The following KDM6A variants were observed in gnomAD, a reference collection of about 807,000 sequenced individuals.
The protein encoded by KDM6A is lysine demethylase 6A.
Under a neutral mutation model 117.6 loss-of-function variants are expected in KDM6A, and 11 were observed. The observed-to-expected ratio is 0.09, with a 90% CI of 0.06 to 0.15. The LOEUF (loss-of-function observed/expected upper bound fraction) is 0.15, where lower values mean the gene tolerates loss of function less well. Among genes scored for constraint, KDM6A ranks in the 10% least tolerant of loss-of-function variants. The pLI is 1.00. For synonymous variants in KDM6A, 384 were observed against 396.1 expected (o/e 0.97, Z 0.36); for missense variants, 799 against 1,077.3 (o/e 0.74, Z 3.62).
intron 4 of KDM6A, among the ~76,000 whole-genome samples, chrX:44,983,913 TG>T (rs1185305398): frequency 9.1e-6 from 1 of 109,528 alleles, no homozygotes; most frequent in Non-Finnish European, 1.9e-5. Context: ...TATAATCCTT[TG>T]GGTATATACC....
chrX:45,053,908 C>G lies in KDM6A; in HGVS notation c.828C>G (p.Ser276=), dbSNP rs769805897. The G allele has an allele frequency of 3.3e-6, 4 of 1,206,942 alleles. No individual in the cohort carries two copies. The Middle Eastern group carries it at 6.9e-4, about 209-fold the overall frequency. The change falls in exon 10 of 30, where the codon TCC becomes TCG. Residue 276 remains serine (S), a synonymous_variant. Transcript: ENST00000611820. ...ESYAIQYLQK[S]LEADPNSGQS... is the part of the protein sequence containing the mutation. ...ATGCTATTCAGTATCTCCAAAAGTC[C>G]TTGGAAGCAGATCCTAATTCTGGCC...
rs889394037 is a variant in KDM6A, at chrX:45,112,400, T to C, written c.*989T>C. Reference sequence around the variant, plus strand: ...ATCTGGATATATATGTATAAATCTTTAGAACTTAAATTTTTCTCGTTTTAA... The same window carrying C: ...ATCTGGATATATATGTATAAATCTTCAGAACTTAAATTTTTCTCGTTTTAA... On this transcript the variant is annotated 3_prime_UTR_variant, in exon 30 of 30. Transcript: ENST00000611820. The C allele has an allele frequency of 7.5e-6, 1 of 133,195 alleles. No homozygotes were observed. Among genetic ancestry groups the C allele is most frequent in the East Asian group, 1.3e-4 (1 of 7,840 alleles). The allele number at this position is 133,195 out of a possible 1,213,427, so 11.0% of individuals were successfully genotyped here. A position where few individuals can be genotyped will look rare whatever the true frequency, so the allele number is the denominator to read the frequency against.
At chrX:44,910,741 C>T (rs1212834832) in intron 2 of KDM6A, among the ~76,000 whole-genome samples, 1 of 110,278 alleles carries the variant, frequency 9.1e-6, no homozygotes, top group Non-Finnish European at 1.9e-5. Flanking sequence ...TTTAACAAAG[C>T]ACATCTTGCA....
chrX:44,966,869 CTT>C (rs1228583337), intron 3 of KDM6A, among the ~76,000 whole-genome samples: 7 of 88,918 alleles, frequency 7.9e-5, no homozygotes, highest in Admixed American at 1.2e-4. Flanking sequence ...CTCTCTCTCT[CTT>C]TTTTTTTTTT....
Position 45,069,600 on chromosome X carries a change from T to C in KDM6A, c.2101T>C (p.Ser701Pro). The C allele has an allele frequency of 8.3e-7, 1 of 1,211,098 alleles. No individual in the cohort carries two copies. The change falls in exon 18 of 30, where the codon TCA (serine) becomes CCA (proline). Residue 701 changes from serine (S) to proline (P), a missense_variant. Ser to Pro is a moderately conservative substitution (Grantham distance 74). Coordinates refer to ENST00000611820, the MANE Select transcript of KDM6A (RefSeq NM_001291415.2). ...TTAGGGGCTTCACAAAGGTCAGAGT[T>C]CACATTCGGCAGGTCCTAATGGTGA... The part of the protein sequence containing the change: ...STQGLHKGQS[S>P]HSAGPNGERP...
At chrX:45,026,760 G>A (rs1418022388) in intron 6 of KDM6A, among the ~76,000 whole-genome samples, 1 of 106,411 alleles carries the variant, frequency 9.4e-6, no homozygotes, top group Admixed American at 1.0e-4. Flanking sequence ...GAACCTGGGA[G>A]GTGGAGATTG....
chrX:45,040,980 G>T (rs2043134980), intron 8 of KDM6A, among the ~76,000 whole-genome samples: 1 of 78,186 alleles, frequency 1.3e-5, no homozygotes. Flanking sequence ...GGACGGGGCG[G>T]CCGGCCGGGC....
chrX:44,916,644 A>T (rs1351108959), intron 2 of KDM6A, among the ~76,000 whole-genome samples: 1 of 110,565 alleles, frequency 9.0e-6, no homozygotes, highest in Non-Finnish European at 1.9e-5. Context: ...TCTATTTTTT[A>T]AAAAATTATT....
chrX:45,003,949 T>C (rs1403991412), intron 4 of KDM6A, among the ~76,000 whole-genome samples: 1 of 97,877 alleles, frequency 1.0e-5, no homozygotes, highest in Non-Finnish European at 2.0e-5. Flanking sequence ...TTTCTGCTGG[T>C]TTTTCCCTGC....
At chrX:44,969,885 G>A (rs2039252651) in intron 3 of KDM6A, among the ~76,000 whole-genome samples, 1 of 112,244 alleles carries the variant, frequency 8.9e-6, no homozygotes, top group Admixed American at 9.4e-5. Flanking sequence ...TTTAAGCATT[G>A]TATGAGGATG....
At chrX:44,923,485 T>G (rs1476877456) in intron 2 of KDM6A, among the ~76,000 whole-genome samples, 9 of 107,311 alleles carry the variant, frequency 8.4e-5, no homozygotes, top group Admixed American at 6.1e-4. Context: ...TGTATTGCGA[T>G]GTCTTCAAGT....
chrX:44,907,467 GT>G (rs1163743865), intron 2 of KDM6A, among the ~76,000 whole-genome samples: 2,676 of 87,762 alleles, frequency 0.03, 126 homozygotes, highest in African/African-American at 0.14. Context: ...GTGTGTGTGT[GT>G]GGTTTTTTTT....
intron 28 of KDM6A, among the ~76,000 whole-genome samples, chrX:45,108,864 C>T (rs1666778336): frequency 1.0e-5 from 1 of 99,415 alleles, no homozygotes; most frequent in African/African-American, 3.7e-5. Flanking sequence ...TAAACTATCG[C>T]AAGAACAAAA....
chrX:44,986,153 A>G (rs1453781065), intron 4 of KDM6A, among the ~76,000 whole-genome samples: 1 of 111,175 alleles, frequency 9.0e-6, no homozygotes, highest in Non-Finnish European at 1.9e-5. Context: ...TGTATGTGTC[A>G]AGGAATTTAT....
intron 4 of KDM6A, among the ~76,000 whole-genome samples, chrX:44,981,086 G>T (rs2039883505): frequency 9.0e-6 from 1 of 111,458 alleles, no homozygotes; most frequent in Non-Finnish European, 1.9e-5. Context: ...AACAAAATGT[G>T]TGTGGGTTTT....
At chrX:44,877,029 A>G (rs891278566) in intron 2 of KDM6A, among the ~76,000 whole-genome samples, 4 of 112,522 alleles carry the variant, frequency 3.6e-5, no homozygotes, top group African/African-American at 1.3e-4. Context: ...ATACATATAT[A>G]CATGTATATA....
At chrX:45,106,436 C>A in intron 27 of KDM6A, 1 of 267,511 alleles carries the variant, frequency 3.7e-6, no homozygotes. Context: ...ATATGCTAGG[C>A]ACTGCCCTAG....
intron 10 of KDM6A, among the ~76,000 whole-genome samples, chrX:45,055,301 TTTAA>T (rs1469512827): frequency 9.0e-6 from 1 of 111,089 alleles, no homozygotes; most frequent in African/African-American, 3.3e-5. Flanking sequence ...GTAATATTAC[TTTAA>T]TTAAAGTAAT....
intron 2 of KDM6A, among the ~76,000 whole-genome samples, chrX:44,922,564 G>A (rs925404430): frequency 9.0e-5 from 10 of 111,694 alleles, no homozygotes; most frequent in Admixed American, 1.9e-4. Flanking sequence ...CGCATCCCGC[G>A]TTCAAGTGAT....
Sources: gnomAD v4.1 joint callset for allele counts (sites outside exome capture counted in the v4.1 genomes callset) on GRCh38, gnomAD v4.1.1 for gene constraint, MANE v1.5 for transcripts, NCBI Gene and HGNC (gene_info 2026-07-23, HGNC 2026-07-21) for gene names.